The following FLNB variants were observed in gnomAD, a reference collection of about 807,000 sequenced individuals.
FLNB encodes filamin B.
In FLNB, 111 loss-of-function variants were observed where a neutral mutation model predicts 250.6. That is an observed-to-expected ratio of 0.44 (90% CI 0.38 to 0.52). The LOEUF (loss-of-function observed/expected upper bound fraction) is 0.52, where lower values mean the gene tolerates loss of function less well. Ranked by LOEUF, FLNB falls within the 20% of genes least tolerant of loss-of-function variation. The pLI, the probability that FLNB is intolerant of heterozygous loss-of-function variation, is 0.00. For synonymous variants in FLNB, 1,302 were observed against 1,372.1 expected, an observed-to-expected ratio of 0.95 and a Z score of 1.13; for missense variants, 2,869 against 3,447.8, an observed-to-expected ratio of 0.83 and a Z score of 4.20.
intron 1 of FLNB, among the ~76,000 whole-genome samples, chr3:58,028,806 G>A (rs1390578611): frequency 6.6e-6 from 1 of 151,240 alleles, no homozygotes; most frequent in African/African-American, 2.4e-5. Context: ...AGTGGAGGTG[G>A]GATTTCACCA....
At chr3:58,138,217 T>G in intron 28 of FLNB, 65 bp from the exon 29 acceptor site, 1 of 1,608,080 alleles carries the variant, frequency 6.2e-7, no homozygotes, top group Non-Finnish European at 8.5e-7. Flanking sequence ...ATGGGTATGA[T>G]TTGTTCTTGG....
chr3:58,077,886 T>C (rs868037411), intron 2 of FLNB, among the ~76,000 whole-genome samples: 3 of 152,086 alleles, frequency 2.0e-5, no homozygotes, highest in Non-Finnish European at 4.4e-5. Flanking sequence ...AGGGTTTAGA[T>C]TGATGGGTAG....
rs34336464 is a variant in FLNB, at chr3:58,142,100, C to T, written c.5181+171C>T. Among the ~76,000 whole-genome samples, 43,733 of 152,096 alleles carry T rather than the reference C, an allele frequency of 0.29. 7,158 individuals carry two copies. Among genetic ancestry groups the T allele is most frequent in the Non-Finnish European group, 0.38 (25,669 of 67,966 alleles). Reference sequence around the variant, plus strand: ...ATCCCTGCTTTTTCTGTAATAAGATCACCTTTGCGTCACCATCCGTGCTCC... The same window carrying T: ...ATCCCTGCTTTTTCTGTAATAAGATTACCTTTGCGTCACCATCCGTGCTCC... On this transcript the variant is annotated intron_variant, in intron 30 of 45. Coordinates refer to ENST00000295956, the MANE Select transcript of FLNB (RefSeq NM_001457.4). The surrounding 1 kb of genome is among the most constrained non-coding windows in gnomAD (Gnocchi z 4.3).
At chr3:58,163,732 GCTCC>G in intron 43 of FLNB, 1 of 226,592 alleles carries the variant, frequency 4.4e-6, no homozygotes, top group Non-Finnish European at 8.8e-6. Flanking sequence ...ATGGTACCAG[GCTCC>G]CAGAAATGCA....
intron 1 of FLNB, among the ~76,000 whole-genome samples, chr3:58,046,567 A>G (rs2097154650): frequency 6.6e-6 from 1 of 151,198 alleles, no homozygotes; most frequent in African/African-American, 2.4e-5. Context: ...CTCCTTCCTC[A>G]GCCTTCCGAG....
In FLNB at chr3:58,077,275, G is replaced by A. The variant is rs1231102041; in HGVS notation, c.522G>A (p.Leu174=). Residue 174 remains leucine (L), a synonymous_variant, in exon 2 of 46, where the codon CTG becomes CTA. Transcript: ENST00000295956. Reference sequence around the variant, plus strand: ...AAGACGGCAAAGCCCTGGGAGCCCTGGTAGACAGCTGTGCTCCAGGTAAGT... The same window carrying A: ...AAGACGGCAAAGCCCTGGGAGCCCTAGTAGACAGCTGTGCTCCAGGTAAGT... ...NWQDGKALGA[L]VDSCAPGLCP... 6.2e-7 allele frequency: 1 copy of A among 1,614,122 alleles called. No individual in the cohort carries two copies. The highest frequency in any genetic ancestry group is 1.7e-5 in the Admixed American group (1 of 60,028).
intron 1 of FLNB, among the ~76,000 whole-genome samples, chr3:58,072,783 CA>C (rs2106930596): frequency 1.3e-5 from 2 of 152,274 alleles, no homozygotes; most frequent in South Asian, 4.2e-4. Context: ...ACCTTGAATT[CA>C]ATTGGAAACA....
rs2097257487 is a variant in FLNB at position 58,105,072 on chromosome 3, C to G, written c.1611-8C>G. On this transcript the variant is annotated splice_polypyrimidine_tract_variant and splice_region_variant and intron_variant, in intron 10 of 45. Coordinates refer to ENST00000295956, the MANE Select transcript of FLNB (RefSeq NM_001457.4). ...TCTTTGATGCTTCTTCTATTCCTTT[C>G]CCTGTAGCCCCTTTGAAGTTCAAGT... 3 of 1,614,226 alleles carry G rather than the reference C, an allele frequency of 1.9e-6. No individual in the cohort carries two copies. In the East Asian group the frequency reaches 6.7e-5, roughly 36 times the overall value.
At chr3:58,092,005 A>C (rs1272411432) in intron 4 of FLNB, among the ~76,000 whole-genome samples, 1 of 152,234 alleles carries the variant, frequency 6.6e-6, no homozygotes, top group Non-Finnish European at 1.5e-5. Flanking sequence ...TAGTATCTAG[A>C]ACATGTAGAA....
intron 1 of FLNB, among the ~76,000 whole-genome samples, chr3:58,056,928 C>A (rs983559938): frequency 6.6e-6 from 1 of 152,098 alleles, no homozygotes; most frequent in Admixed American, 6.6e-5. Context: ...AATTTCTCAG[C>A]AATCAGTGTA....
In FLNB at chr3:58,123,695, G is replaced by A. The variant is rs761289257; in HGVS notation, c.3724+5G>A. ...GACCAGGAATAGAAGGGAAAGGTGGGTTTCATTTAAAAAAAAAAAAAAAAA... is the reference window on the plus strand; with the variant it reads ...GACCAGGAATAGAAGGGAAAGGTGGATTTCATTTAAAAAAAAAAAAAAAAA... On this transcript the variant is annotated splice_donor_5th_base_variant and intron_variant, in intron 21 of 45. Transcript: ENST00000295956. 1.8e-5 allele frequency: 25 copies of A among 1,405,418 alleles called. No individual in the cohort carries two copies. Among genetic ancestry groups the A allele is most frequent in the East Asian group, 4.6e-5 (2 of 43,166 alleles). The allele number at this position is 1,405,418 out of a possible 1,614,324, so 87.1% of individuals were successfully genotyped here.
At chr3:58,062,037 G>A (rs2097179470) in intron 1 of FLNB, among the ~76,000 whole-genome samples, 1 of 152,088 alleles carries the variant, frequency 6.6e-6, no homozygotes, top group Admixed American at 6.6e-5. Flanking sequence ...GTTGCAGTAA[G>A]CCGAAATCAT....
intron 1 of FLNB, among the ~76,000 whole-genome samples, chr3:58,009,086 G>T (rs2097094457): frequency 6.6e-6 from 1 of 152,234 alleles, no homozygotes; most frequent in Non-Finnish European, 1.5e-5. Flanking sequence ...TGCACCTTTG[G>T]CTGGCTAAGG....
intron 25 of FLNB, chr3:58,131,825 G>A (rs1314516238): frequency 7.7e-6 from 6 of 774,716 alleles, no homozygotes; most frequent in Admixed American, 6.6e-5. Flanking sequence ...GTGTCCCTGT[G>A]TATGTGTGAA....
chr3:58,018,327 C>CT (rs60851192), intron 1 of FLNB, among the ~76,000 whole-genome samples: 1,431 of 63,238 alleles, frequency 0.023, 228 homozygotes, highest in African/African-American at 0.041. Context: ...TATTCATTGA[C>CT]TTTTTTTTTT....
At position 58,112,167 on chromosome 3, in the gene FLNB, C is replaced by A. The variant is rs760914568; in HGVS notation, c.2594C>A (p.Pro865Gln). The change falls in exon 18 of 46, where the codon CCG (proline) becomes CAG (glutamine). Residue 865 changes from proline (P) to glutamine (Q), a missense_variant. By Grantham distance (76) the Pro-to-Gln change is moderately conservative. Transcript: ENST00000295956. ...TTTCCAGGTGTGGAAAATGGGAAAC[C>A]GACCCACTTCACTGTCTACACCAAG... Reference protein sequence around the residue: ...LSKAGVENGKPTHFTVYTKGA... With the variant: ...LSKAGVENGKQTHFTVYTKGA... 7 of 1,614,112 alleles carry A rather than the reference C, an allele frequency of 4.3e-6. No individual in the cohort carries two copies. The highest frequency in any genetic ancestry group is 5.9e-6 in the Non-Finnish European group (7 of 1,179,966).
chr3:58,123,462 C>T lies in FLNB; in HGVS notation c.3496C>T (p.Leu1166=). 1.2e-6 allele frequency: 2 copies of T among 1,607,928 alleles called. No individual in the cohort carries two copies. Among genetic ancestry groups the T allele is most frequent in the Non-Finnish European group, 1.7e-6 (2 of 1,175,754 alleles). ...CTGCTCGGAAGCGGGACCGGGGGCC[C>T]TGGGCCTGGAAGCTGTCTCGGACTC... ...VDCSEAGPGA[L]GLEAVSDSGT... The change falls in exon 21 of 46, where the codon CTG becomes TTG. Residue 1166 remains leucine (L), a synonymous_variant. Transcript: ENST00000295956.
In FLNB at chr3:58,125,613, G is replaced by C. The variant is rs548108800; in HGVS notation, c.3931G>C (p.Val1311Leu). 1.9e-6 allele frequency: 3 copies of C among 1,614,050 alleles called. No individual in the cohort carries two copies. The highest frequency in any genetic ancestry group is 1.7e-6 in the Non-Finnish European group (2 of 1,180,042). The change falls in exon 23 of 46, where the codon GTG (valine) becomes CTG (leucine). Residue 1311 changes from valine to leucine, a missense_variant. Transcript: ENST00000295956. ...TGTAGTGGAGGTGACATATGATGACGTGCCTATCCCAAACAGTCCCTTCAA... is the reference window on the plus strand; with the variant it reads ...TGTAGTGGAGGTGACATATGATGACCTGCCTATCCCAAACAGTCCCTTCAA... ...LHVVEVTYDD[V>L]PIPNSPFKVA... is the part of the protein sequence containing the mutation.
At chr3:58,121,718 CCA>C (rs2097289056) in intron 20 of FLNB, among the ~76,000 whole-genome samples, 1 of 152,166 alleles carries the variant, frequency 6.6e-6, no homozygotes, top group African/African-American at 2.4e-5. Flanking sequence ...GCTCCCTGTC[CCA>C]GAGTCTTCTT....
Sources: allele counts gnomAD v4.1 joint callset (sites outside exome capture counted in the v4.1 genomes callset), GRCh38; gene constraint gnomAD v4.1.1; non-coding constraint Gnocchi (gnomAD v3.1); transcripts MANE v1.5; gene names NCBI Gene and HGNC (gene_info 2026-07-23, HGNC 2026-07-21).